The following ANKRD44 variants were observed in gnomAD, a reference collection of about 807,000 sequenced individuals.
ANKRD44 encodes the protein ankyrin repeat domain 44.
A neutral mutation model predicts 116.0 loss-of-function variants in ANKRD44; 35 were observed. That is an observed-to-expected ratio of 0.30 (90% CI 0.23 to 0.40). ANKRD44 has a LOEUF of 0.40. Among genes scored for constraint, ANKRD44 ranks in the 10% least tolerant of loss-of-function variants. The pLI is 1.00. For synonymous variants in ANKRD44, 435 were observed against 461.8 expected (o/e 0.94, Z 0.74); for missense variants, 1,014 against 1,242.6 (o/e 0.82, Z 2.77).
chr2:197,096,941 A>G (rs2078174655), intron 10 of ANKRD44, among the ~76,000 whole-genome samples: 1 of 152,192 alleles, frequency 6.6e-6, no homozygotes, highest in South Asian at 2.1e-4. Context: ...CACTGAAGGT[A>G]GCATGTCGCA....
intron 1 of ANKRD44, among the ~76,000 whole-genome samples, chr2:197,207,561 T>G (rs542006055): frequency 6.6e-6 from 1 of 152,246 alleles, no homozygotes; most frequent in Admixed American, 6.5e-5. Context: ...TTTCTGTTTT[T>G]CTCTTGAAAC....
At chr2:197,146,387 A>G (rs1048069107) in intron 3 of ANKRD44, among the ~76,000 whole-genome samples, 1 of 152,180 alleles carries the variant, frequency 6.6e-6, no homozygotes, top group African/African-American at 2.4e-5. Context: ...TCATGTATCC[A>G]TAAGTATAAC....
intron 9 of ANKRD44, among the ~76,000 whole-genome samples, chr2:197,106,445 A>C (rs951343725): frequency 5.9e-5 from 9 of 151,838 alleles, no homozygotes; most frequent in Non-Finnish European, 8.8e-5. Context: ...ATTTCATCCC[A>C]AAAAAAGAAA....
chr2:197,050,020 T>A (rs1406222483), intron 16 of ANKRD44, among the ~76,000 whole-genome samples: 1 of 152,082 alleles, frequency 6.6e-6, no homozygotes, highest in African/African-American at 2.4e-5. Flanking sequence ...TGGCTCGAAG[T>A]TCCACAGGCT....
chr2:197,229,292 G>T (rs1441761315), intron 1 of ANKRD44, among the ~76,000 whole-genome samples: 1 of 152,192 alleles, frequency 6.6e-6, no homozygotes, highest in Non-Finnish European at 1.5e-5. Context: ...TAAGTAATGT[G>T]TATAGAGACT....
chr2:197,195,526 T>C (rs963737663), intron 1 of ANKRD44, among the ~76,000 whole-genome samples: 1 of 152,136 alleles, frequency 6.6e-6, no homozygotes, highest in African/African-American at 2.4e-5. Context: ...ACAACAGATA[T>C]AGTTTTTGGT....
chr2:197,263,394 T>C, intron 1 of ANKRD44: 1 of 612,864 alleles, frequency 1.6e-6, no homozygotes, highest in South Asian at 1.8e-5. Context: ...CGACTGTGTT[T>C]GGGAGCCTCA....
At chr2:197,086,147 T>C (rs1006728535) in intron 13 of ANKRD44, among the ~76,000 whole-genome samples, 5 of 147,188 alleles carry the variant, frequency 3.4e-5, no homozygotes, top group African/African-American at 9.8e-5. Flanking sequence ...AGAGATGCAA[T>C]GGGAAAAAAA....
intron 2 of ANKRD44, among the ~76,000 whole-genome samples, chr2:197,183,765 T>C (rs1416332818): frequency 6.6e-6 from 1 of 151,456 alleles, no homozygotes; most frequent in Non-Finnish European, 1.5e-5. Context: ...GCCCTCCTTG[T>C]GTTCTTTATC....
chr2:197,272,453 G>A (rs1308981642), intron 1 of ANKRD44, among the ~76,000 whole-genome samples: 1 of 152,070 alleles, frequency 6.6e-6, no homozygotes, highest in Non-Finnish European at 1.5e-5. Context: ...GGTCAGGCTG[G>A]TCTTGAACTC....
intron 16 of ANKRD44, among the ~76,000 whole-genome samples, chr2:197,074,589 C>T (rs375452663): frequency 6.6e-6 from 1 of 152,210 alleles, no homozygotes; most frequent in South Asian, 2.1e-4. Context: ...TTCATGCCTC[C>T]GCCTCCTGAG....
At chr2:197,185,766 A>G (rs2080641604) in intron 2 of ANKRD44, among the ~76,000 whole-genome samples, 1 of 152,220 alleles carries the variant, frequency 6.6e-6, no homozygotes, top group South Asian at 2.1e-4. Flanking sequence ...CACACAAAAT[A>G]TGTATATAGT....
At chr2:197,193,083 T>A (rs1299914840) in intron 1 of ANKRD44, among the ~76,000 whole-genome samples, 1 of 152,188 alleles carries the variant, frequency 6.6e-6, no homozygotes, top group Admixed American at 6.5e-5. Context: ...AAAAAAGAAT[T>A]ACATCTAATT....
chr2:196,986,843 C>T lies in ANKRD44; in HGVS notation c.*2748G>A. ...CATTCACTGAACTAAAAGTCATTTT[C>T]CCCATTTTTACAGTCATGACATTTA... On this transcript the variant is annotated 3_prime_UTR_variant, in exon 28 of 28. Transcript: ENST00000282272. The T allele has an allele frequency of 1.0e-6, 1 of 985,374 alleles. No individual in the cohort carries two copies. Among genetic ancestry groups the T allele is most frequent in the Non-Finnish European group, 1.2e-6 (1 of 829,908 alleles). 61.0% of individuals were successfully genotyped at this position (985,374 alleles called of 1,614,324 possible). A position where few individuals can be genotyped will look rare whatever the true frequency, so the allele number is the denominator to read the frequency against.
intron 21 of ANKRD44, among the ~76,000 whole-genome samples, chr2:196,971,141 C>T (rs2075712683): frequency 6.6e-6 from 1 of 152,102 alleles, no homozygotes; most frequent in South Asian, 2.1e-4. Context: ...GCACATCTTC[C>T]CTTTAACTAC....
chr2:197,091,592 C>G (rs573187856), intron 10 of ANKRD44, among the ~76,000 whole-genome samples: 24 of 152,300 alleles, frequency 1.6e-4, no homozygotes, highest in African/African-American at 5.5e-4. Flanking sequence ...CTCCTGGGCT[C>G]AAGCAATCCA....
chr2:197,304,321 T>A (rs1429854811), intron 1 of ANKRD44, among the ~76,000 whole-genome samples: 12 of 151,828 alleles, frequency 7.9e-5, no homozygotes, highest in Non-Finnish European at 1.5e-5. Context: ...CCCAAAAAAA[T>A]AAAAATACAG....
intron 17 of ANKRD44, among the ~76,000 whole-genome samples, chr2:197,014,046 A>G (rs914786127): frequency 5.3e-5 from 8 of 152,352 alleles, no homozygotes; most frequent in Middle Eastern, 3.4e-3. Flanking sequence ...ATGAATTACC[A>G]TATTCTTTTA....
chr2:197,123,085 A>G (rs919129199), intron 6 of ANKRD44, among the ~76,000 whole-genome samples: 3 of 152,256 alleles, frequency 2.0e-5, no homozygotes, highest in Non-Finnish European at 4.4e-5. Context: ...AGGTTTTGCC[A>G]AGATATTAGT....
Sources: allele counts gnomAD v4.1 joint callset (sites outside exome capture counted in the v4.1 genomes callset), GRCh38; gene constraint gnomAD v4.1.1; transcripts MANE v1.5; gene names NCBI Gene and HGNC (gene_info 2026-07-23, HGNC 2026-07-21).